VWA3A: variants seen among roughly 807,000 people sequenced by gnomAD.
VWA3A encodes the protein von Willebrand factor A domain containing 3A, also known as von Willebrand factor A domain-containing protein 3A.
VWA3A carries 134 observed loss-of-function variants against 160.4 expected under a neutral mutation model. The ratio of observed to expected loss-of-function variants is 0.84; its 90% CI spans 0.73 to 0.96. VWA3A has a LOEUF of 0.96. Ranked by LOEUF, VWA3A falls within the 40% of genes least tolerant of loss-of-function variation. The pLI is 0.00. For missense variants in VWA3A, 1,310 were observed against 1,447.9 expected, an observed-to-expected ratio of 0.90 and a Z score of 1.55; for synonymous variants, 476 against 543.4, an observed-to-expected ratio of 0.88 and a Z score of 1.72.
rs2046019578 is a variant in VWA3A at position 22,135,272 on chromosome 16, A to G, written c.2139+834A>G. On this transcript the variant is annotated intron_variant, in intron 21 of 33. Transcript: ENST00000389398. ...AAGGAGGCAGTCCTTGTCACCAGCA[A>G]TCTCTGGCATTCCTTGGCTTGAGGA... Among the ~76,000 whole-genome samples, 3 of 152,186 alleles carry G rather than the reference A, an allele frequency of 2.0e-5. 1 individual carries two copies. In the South Asian group the frequency reaches 6.2e-4, roughly 32 times the overall value.
chr16:22,127,484 CAGAG>C (rs1330982614), intron 17 of VWA3A, among the ~76,000 whole-genome samples: 1 of 152,022 alleles, frequency 6.6e-6, no homozygotes, highest in Non-Finnish European at 1.5e-5. Flanking sequence ...TAAGGGAAGA[CAGAG>C]AGAAAAGGAA....
At chr16:22,125,996 C>A (rs1255136731) in intron 16 of VWA3A, among the ~76,000 whole-genome samples, 182 bp from the exon 17 acceptor site, 1 of 152,104 alleles carries the variant, frequency 6.6e-6, no homozygotes, top group Non-Finnish European at 1.5e-5. Context: ...GCTTCCATGA[C>A]CCCCTTAATC....
chr16:22,107,687 A>G (rs2045500662), intron 6 of VWA3A, among the ~76,000 whole-genome samples: 1 of 152,208 alleles, frequency 6.6e-6, no homozygotes, highest in Non-Finnish European at 1.5e-5. Flanking sequence ...TCCAGGCTGC[A>G]GTGAGCTATG....
At chr16:22,141,726 C>T (rs1470426782) in intron 24 of VWA3A, 34 bp downstream of exon 24, 1 of 1,561,468 alleles carries the variant, frequency 6.4e-7, no homozygotes, top group African/African-American at 1.4e-5. Context: ...TCTGGACAGC[C>T]CCCTGGCCCT....
chr16:22,116,970 A>G, intron 10 of VWA3A, 103 bp downstream of exon 10: 1 of 1,407,282 alleles, frequency 7.1e-7, no homozygotes, highest in Non-Finnish European at 9.9e-7. Flanking sequence ...GCTGTGGACC[A>G]GAATGCACCT....
chr16:22,148,404 T>C (rs2046294047), intron 28 of VWA3A, 98 bp downstream of exon 28: 16 of 1,433,830 alleles, frequency 1.1e-5, no homozygotes. Context: ...AGGCCTGGAG[T>C]TTCTGAGATG....
chr16:22,153,634 C>T (rs551050498), intron 31 of VWA3A, among the ~76,000 whole-genome samples: 8 of 152,122 alleles, frequency 5.3e-5, no homozygotes, highest in African/African-American at 1.9e-4. Context: ...GCAATGTTGT[C>T]AGTGATAACA....
chr16:22,123,908 A>C (rs933712419), intron 16 of VWA3A, among the ~76,000 whole-genome samples: 3 of 152,066 alleles, frequency 2.0e-5, no homozygotes, highest in Non-Finnish European at 4.4e-5. Context: ...TGTGTCACTG[A>C]GCATTTTTGC....
At chr16:22,103,654 A>C (rs2045441779) in intron 6 of VWA3A, 125 bp downstream of exon 6, 1 of 1,108,182 alleles carries the variant, frequency 9.0e-7, no homozygotes, top group East Asian at 2.6e-5. Context: ...GGCATTTACT[A>C]ACCTAAGTAA....
chr16:22,123,756 C>T (rs775922020), intron 16 of VWA3A, 49 bp downstream of exon 16: 3 of 1,525,340 alleles, frequency 2.0e-6, no homozygotes, highest in Non-Finnish European at 2.7e-6. Context: ...TGGTGTGTGA[C>T]GTGACATTTA....
At chr16:22,151,915 AAATG>A (rs1208898571) in intron 30 of VWA3A, among the ~76,000 whole-genome samples, 2 of 152,168 alleles carry the variant, frequency 1.3e-5, no homozygotes, top group Non-Finnish European at 2.9e-5. Context: ...TCCCATAAAT[AAATG>A]GGGGCTAGGC....
Position 22,156,259 on chromosome 16 carries a change from T to C in VWA3A, c.*242T>C, listed in dbSNP as rs1410158630. On this transcript the variant is annotated 3_prime_UTR_variant, in exon 34 of 34. Transcript: ENST00000389398. The stretch of plus-strand genomic sequence containing the variant: ...TACTCTCCAGCCACTAGATTGTCCC[T>C]CTCTGGGAAGCCCTAAACCAACCCC... 4.2e-5 allele frequency: 10 copies of C among 239,846 alleles called. No individual in the cohort carries two copies. 14.9% of individuals were successfully genotyped at this position (239,846 alleles called of 1,614,324 possible).
intron 11 of VWA3A, among the ~76,000 whole-genome samples, chr16:22,118,607 A>G (rs1251483734): frequency 6.6e-6 from 1 of 151,730 alleles, no homozygotes; most frequent in African/African-American, 2.4e-5. Context: ...AATGGCGTGA[A>G]CCCAGGAGGC....
chr16:22,104,900 T>C (rs140910839), intron 6 of VWA3A, among the ~76,000 whole-genome samples: 18 of 152,222 alleles, frequency 1.2e-4, no homozygotes, highest in Non-Finnish European at 2.2e-4. Flanking sequence ...TCATGCTCCC[T>C]ACTCCCAGTC....
At chr16:22,140,714 G>A (rs2046131664) in intron 23 of VWA3A, among the ~76,000 whole-genome samples, 3 of 151,326 alleles carry the variant, frequency 2.0e-5, no homozygotes, top group Non-Finnish European at 4.4e-5. Flanking sequence ...GGGTTCAAGC[G>A]ATTCTTGTGC....
chr16:22,150,674 A>G, intron 29 of VWA3A, 21 bp from the exon 30 acceptor site: 4 of 1,596,232 alleles, frequency 2.5e-6, no homozygotes, highest in Non-Finnish European at 3.4e-6. Flanking sequence ...TGAGCCTGAC[A>G]GCCTTCCTGC....
At chr16:22,142,078 C>T (rs1185296775) in intron 24 of VWA3A, among the ~76,000 whole-genome samples, 1 of 152,090 alleles carries the variant, frequency 6.6e-6, no homozygotes, top group Non-Finnish European at 1.5e-5. Flanking sequence ...GCAGGAGGTC[C>T]CAAACAGCCT....
intron 1 of VWA3A, 111 bp downstream of exon 1, chr16:22,092,762 G>A: frequency 7.4e-7 from 1 of 1,358,798 alleles, no homozygotes. Flanking sequence ...GGTGTGAAGT[G>A]TCCACTCCCT....
rs1401743773 is a variant in VWA3A, at chr16:22,156,032, A to G, written c.*15A>G. 1.5e-5 allele frequency: 18 copies of G among 1,186,570 alleles called. No homozygotes were observed. The South Asian group carries it at 2.4e-4, about 16-fold the overall frequency. The allele number at this position is 1,186,570 out of a possible 1,614,324, so 73.5% of individuals were successfully genotyped here. On this transcript the variant is annotated splice_region_variant and 3_prime_UTR_variant, in exon 34 of 34. Transcript: ENST00000389398. ...AAAAAATAATGATTCCTCTAAACAG[A>G]AAAGTCATCCTGCAAAGGACCACTC...
Sources: gnomAD v4.1 joint callset for allele counts (sites outside exome capture counted in the v4.1 genomes callset) on GRCh38, gnomAD v4.1.1 for gene constraint, MANE v1.5 for transcripts, NCBI Gene and HGNC (gene_info 2026-07-23, HGNC 2026-07-21) for gene names.